The following SNX20 variants were observed in gnomAD, a reference collection of about 807,000 sequenced individuals.
SNX20 encodes sorting nexin 20, also known as sorting nexin-20.
In SNX20, 21 loss-of-function variants were observed where a neutral mutation model predicts 24.5. The ratio of observed to expected loss-of-function variants is 0.86; its 90% CI spans 0.61 to 1.23. The LOEUF (loss-of-function observed/expected upper bound fraction) is 1.23. Ranked by LOEUF, SNX20 falls within the 50% of genes most tolerant of loss-of-function variation. The probability of loss-of-function intolerance (pLI) is 0.00; values close to 1 mark genes in which losing one functional copy is unlikely to be tolerated. For synonymous variants in SNX20, 206 were observed against 192.8 expected (o/e 1.07, Z -0.57); for missense variants, 433 against 430.8 (o/e 1.00, Z -0.04).
downstream of SNX20, chr16:50,671,230 G>C (rs1596790201): frequency 6.6e-6 from 1 of 151,824 alleles, no homozygotes; most frequent in African/African-American, 2.4e-5. Context: ...AAGACCTAAA[G>C]ATCTCCAGGT....
downstream of SNX20, chr16:50,669,064 G>T: frequency 6.4e-7 from 1 of 1,551,808 alleles, no homozygotes. Context: ...CTTTGACGTG[G>T]ACATCTCGGG....
downstream of SNX20, chr16:50,667,905 T>C: frequency 1.1e-5 from 12 of 1,141,546 alleles, no homozygotes; most frequent in South Asian, 1.6e-4. Flanking sequence ...TTTCTTGATC[T>C]TACCATGGGG....
chr16:50,668,211 A>G, downstream of SNX20: 2 of 1,480,908 alleles, frequency 1.4e-6, no homozygotes, highest in Non-Finnish European at 1.8e-6. Flanking sequence ...ACGCACGGGC[A>G]ACACGGGATG....
Position 50,673,423 on chromosome 16 carries a change from G to C in SNX20, c.934C>G (p.Arg312Gly). The C allele has an allele frequency of 6.4e-7, 1 of 1,562,290 alleles. No individual in the cohort carries two copies. The highest frequency in any genetic ancestry group is 8.7e-7 in the Non-Finnish European group (1 of 1,153,140). The change falls in exon 4 of 4, where the codon CGA becomes GGA. Residue 312 changes from arginine to glycine, a missense_variant. Arg to Gly is a moderately radical substitution (Grantham distance 125). Transcript: ENST00000330943. This position sits in a 1 kb window ranked among gnomAD's most constrained non-coding sequence, Gnocchi z 4.1. Reference protein sequence around the residue: ...RGITLKELTVREYLH With the variant: ...RGITLKELTVGEYLH Reference sequence around the variant, plus strand: ...AGGCCGGCTCAGTGCAGGTATTCTCGCACAGTGAGCTCCTTCAGGGTGATG... The same window carrying C: ...AGGCCGGCTCAGTGCAGGTATTCTCCCACAGTGAGCTCCTTCAGGGTGATG...
chr16:50,675,303 T>C (rs1021445000), intron 3 of SNX20, among the ~76,000 whole-genome samples: 2 of 152,246 alleles, frequency 1.3e-5, no homozygotes, highest in African/African-American at 4.8e-5. Context: ...TTTCCTTGTA[T>C]TGACTTTCCT....
intron 3 of SNX20, 149 bp downstream of exon 3, chr16:50,675,621 G>C (rs909340543): frequency 4.5e-5 from 43 of 965,664 alleles, no homozygotes; most frequent in Non-Finnish European, 7.6e-6. Context: ...CTGAAATCTT[G>C]CTCTTTGGCC....
At position 50,675,970 on chromosome 16, in the gene SNX20, G is replaced by A. The variant is rs370013157; in HGVS notation, c.131-49C>T. ...ATCTGCACCCTGTCAGTGCACTTCC[G>A]AGGCATGGGCTTGGGGAGATGGCTG... On this transcript the variant is annotated intron_variant, in intron 2 of 3. Transcript: ENST00000330943. 245 of 1,543,264 alleles carry A rather than the reference G, an allele frequency of 1.6e-4. 1 individual carries two copies. Among genetic ancestry groups the A allele is most frequent in the East Asian group, 3.9e-4 (17 of 43,478 alleles).
At chr16:50,668,727 T>G, downstream of SNX20, 1 of 1,102,454 alleles carries the variant, frequency 9.1e-7, no homozygotes, top group Non-Finnish European at 1.1e-6. Context: ...GCTTGGCTTT[T>G]GAGCCCAAGA....
chr16:50,680,424 G>A (rs2270368), intron 1 of SNX20, among the ~76,000 whole-genome samples: 100,500 of 151,528 alleles, frequency 0.66, 34,379 homozygotes, highest in Non-Finnish European at 0.73. Flanking sequence ...AGCCTCCTCT[G>A]CCTTCCAGCC....
At chr16:50,678,032 C>A (rs1468181235) in intron 1 of SNX20, among the ~76,000 whole-genome samples, 2 of 151,354 alleles carry the variant, frequency 1.3e-5, no homozygotes, top group South Asian at 4.2e-4. Context: ...TGTAGTGAGA[C>A]CCCGTCTCTA....
At chr16:50,677,945 G>T (rs1427557201) in intron 1 of SNX20, among the ~76,000 whole-genome samples, 1 of 152,164 alleles carries the variant, frequency 6.6e-6, no homozygotes, top group Non-Finnish European at 1.5e-5. Flanking sequence ...GGCCACTCAT[G>T]CCTGTAATCC....
downstream of SNX20, chr16:50,670,108 C>A (rs1213401910): frequency 6.6e-6 from 1 of 152,300 alleles, no homozygotes; most frequent in African/African-American, 2.4e-5. Context: ...AAGCTCCAGT[C>A]CAAATGCCCA....
downstream of SNX20, chr16:50,668,874 T>G (rs1567367328): frequency 7.1e-7 from 1 of 1,401,482 alleles, no homozygotes; most frequent in Non-Finnish European, 9.3e-7. Flanking sequence ...GGCCAAGGGG[T>G]CACAGTCCAC....
At chr16:50,674,292 C>T (rs1294510784) in intron 3 of SNX20, among the ~76,000 whole-genome samples, 1 of 151,914 alleles carries the variant, frequency 6.6e-6, no homozygotes, top group Admixed American at 6.6e-5. Flanking sequence ...CACTGTTACC[C>T]AGGCTGGAGT....
In SNX20 at chr16:50,675,884, G is replaced by A. The variant is rs1435553948; in HGVS notation, c.168C>T (p.Thr56=). 22 of 1,611,650 alleles carry A rather than the reference G, an allele frequency of 1.4e-5. No individual in the cohort carries two copies. Among genetic ancestry groups the A allele is most frequent in the Non-Finnish European group, 1.9e-5 (22 of 1,179,244 alleles). ...HSGLSSNSSM[T]TRELQQYWQN... ...GCCAGTACTGCTGAAGCTCCCGCGTGGTCATGCTGGAGTTGGAGCTCAGGC... is the reference window on the plus strand; with the variant it reads ...GCCAGTACTGCTGAAGCTCCCGCGTAGTCATGCTGGAGTTGGAGCTCAGGC... The change falls in exon 3 of 4, where the codon ACC becomes ACT. Residue 56 remains threonine (T), a synonymous_variant. Transcript: ENST00000330943.
chr16:50,668,062 G>A, downstream of SNX20: 2 of 1,551,714 alleles, frequency 1.3e-6, no homozygotes, highest in Middle Eastern at 1.7e-4. Flanking sequence ...AAAGCCAAGA[G>A]TGGGCAATCA....
In SNX20 at chr16:50,679,036, A is replaced by G. The variant is rs1175158050; in HGVS notation, c.-9-1501T>C. On this transcript the variant is annotated intron_variant, in intron 1 of 3. Transcript: ENST00000330943. ...AGACAACTTAGAGAAAGGGACAATT[A>G]AAACATTAGATCGGCTGGAGGGAGT... Among the ~76,000 whole-genome samples, 5 of 150,646 alleles carry G rather than the reference A, an allele frequency of 3.3e-5. No individual in the cohort carries two copies. The South Asian group carries it at 8.3e-4, about 25-fold the overall frequency.
chr16:50,669,056 T>G, downstream of SNX20: 1 of 1,551,894 alleles, frequency 6.4e-7, no homozygotes, highest in Non-Finnish European at 8.7e-7. Context: ...GCATGTCACT[T>G]TGACGTGGAC....
At chr16:50,666,747 G>C (rs1962925004), downstream of SNX20, 1 of 152,446 alleles carries the variant, frequency 6.6e-6, no homozygotes. Context: ...CAGCCACTGG[G>C]CTCCTCAGGA....
Sources: gnomAD v4.1 joint callset for allele counts (sites outside exome capture counted in the v4.1 genomes callset) on GRCh38, gnomAD v4.1.1 for gene constraint, Gnocchi (gnomAD v3.1) non-coding constraint, MANE v1.5 for transcripts, NCBI Gene and HGNC (gene_info 2026-07-23, HGNC 2026-07-21) for gene names.